LMBR1L: variants seen among roughly 807,000 people sequenced by gnomAD.
The protein encoded by LMBR1L is protein LMBR1L.
In LMBR1L, 47 loss-of-function variants were observed where a neutral mutation model predicts 67.3. That is an observed-to-expected ratio of 0.70 (90% CI 0.55 to 0.89). The LOEUF is 0.89. Ranked by LOEUF, LMBR1L falls within the 40% of genes least tolerant of loss-of-function variation. The probability of loss-of-function intolerance (pLI) is 0.00; values close to 1 mark genes in which losing one functional copy is unlikely to be tolerated. For missense variants in LMBR1L, 533 were observed against 599.2 expected (o/e 0.89, Z 1.15); for synonymous variants, 247 against 250.3 (o/e 0.99, Z 0.13).
chr12:49,097,790 T>C (rs1443421079), intron 16 of LMBR1L, 51 bp from the exon 17 acceptor site: 2 of 1,610,932 alleles, frequency 1.2e-6, no homozygotes, highest in African/African-American at 2.7e-5. Flanking sequence ...TCCAGTCCGT[T>C]AGGGACCAGG....
chr12:49,104,810 A>C lies in LMBR1L; in HGVS notation c.267T>G (p.Asn89Lys). ...TCCGAGGCAGGGAGAGCAGCACCTC[A>C]TTGCTGATGATGGAGAAGGGCAGGA... ...VLLLPFSIIS[N>K]EVLLSLPRNY... The change falls in exon 4 of 17, where the codon AAT becomes AAG. Residue 89 changes from asparagine to lysine, a missense_variant. Asn to Lys is a moderately conservative substitution (Grantham distance 94). Around this residue, in one of 3 missense-constraint regions of LMBR1L, gnomAD observed 246 missense variants for 249.0 expected, o/e 0.99. Coordinates refer to ENST00000267102, the MANE Select transcript of LMBR1L (RefSeq NM_018113.4). 2 of 1,613,758 alleles carry C rather than the reference A, an allele frequency of 1.2e-6. No homozygotes were observed. The highest frequency in any genetic ancestry group is 1.7e-6 in the Non-Finnish European group (2 of 1,179,840).
chr12:49,110,722 C>T lies in LMBR1L; in HGVS notation c.-167G>A. On this transcript the variant is annotated 5_prime_UTR_variant, in exon 1 of 17. Transcript: ENST00000267102. ...GCTCAGATACAGTCGTCCGGACGCC[C>T]CGCCCTTAAAGGGGCAGGCACCACC... The T allele has an allele frequency of 1.6e-6, 1 of 632,098 alleles. No individual in the cohort carries two copies. The highest frequency in any genetic ancestry group is 1.8e-5 in the South Asian group (1 of 54,630). 39.2% of individuals were successfully genotyped at this position (632,098 alleles called of 1,614,324 possible).
chr12:49,107,717 G>C (rs1419551995), intron 1 of LMBR1L, among the ~76,000 whole-genome samples: 1 of 152,350 alleles, frequency 6.6e-6, no homozygotes, highest in South Asian at 2.1e-4. Flanking sequence ...GGACTGCCAA[G>C]TGACAGTGAT....
intron 1 of LMBR1L, 63 bp from the exon 2 acceptor site, chr12:49,107,108 G>A: frequency 9.1e-7 from 1 of 1,097,802 alleles, no homozygotes; most frequent in Non-Finnish European, 1.4e-6. Flanking sequence ...CAGCCCCAAG[G>A]GCCTCTCTGT....
intron 5 of LMBR1L, 99 bp downstream of exon 5, chr12:49,104,339 AAACTTCCGTT>A (rs1940605488): frequency 1.2e-6 from 1 of 844,404 alleles, no homozygotes; most frequent in Non-Finnish European, 1.9e-6. Context: ...CTAGAGCCTC[AAACTTCCGTT>A]AACTAAACCT....
At chr12:49,101,583 C>A (rs1395096346) in intron 11 of LMBR1L, 34 bp from the exon 12 acceptor site, 1 of 1,513,268 alleles carries the variant, frequency 6.6e-7, no homozygotes, top group Non-Finnish European at 9.1e-7. Context: ...CCATTCCACC[C>A]CAGACCACAG....
At chr12:49,098,133 T>G in intron 15 of LMBR1L, 28 bp from the exon 16 acceptor site, 3 of 1,565,590 alleles carry the variant, frequency 1.9e-6, no homozygotes, top group Non-Finnish European at 2.6e-6. Context: ...GGATGAGAGG[T>G]GGGCTCCCCA....
At chr12:49,104,679 G>A in intron 4 of LMBR1L, 67 bp downstream of exon 4, 1 of 1,602,722 alleles carries the variant, frequency 6.2e-7, no homozygotes, top group South Asian at 1.1e-5. Flanking sequence ...GGCTGCCTGA[G>A]TCCACCCAAC....
intron 15 of LMBR1L, 112 bp from the exon 16 acceptor site, chr12:49,098,217 T>C: frequency 8.7e-7 from 1 of 1,150,884 alleles, no homozygotes. Flanking sequence ...ACTGATAGGT[T>C]GGCCTCTCCC....
At chr12:49,100,517 C>G (rs1419795222) in intron 14 of LMBR1L, 39 bp downstream of exon 14, 1 of 1,609,674 alleles carries the variant, frequency 6.2e-7, no homozygotes, top group South Asian at 1.1e-5. Context: ...AGTGCCCATC[C>G]ACACCCCCCG....
chr12:49,110,385 A>C lies in LMBR1L; in HGVS notation c.72+99T>G, dbSNP rs7138506. 1.2e-3 allele frequency: 1,367 copies of C among 1,175,716 alleles called. 3 individuals are homozygous for C. The highest frequency in any genetic ancestry group is 1.4e-3 in the Non-Finnish European group (1,145 of 791,824). 72.8% of individuals were successfully genotyped at this position (1,175,716 alleles called of 1,614,324 possible). On this transcript the variant is annotated intron_variant, in intron 1 of 16. Transcript: ENST00000267102. ...GGCCTCCGTCGCCCGCCGCTGGCCC[A>C]GGCATGGTTTGACGGCACTCTGAGA...
chr12:49,103,154 A>C lies in LMBR1L; in HGVS notation c.568T>G (p.Trp190Gly), dbSNP rs774921080. 6.2e-7 allele frequency: 1 copy of C among 1,613,560 alleles called. No homozygotes were observed. Among genetic ancestry groups the C allele is most frequent in the Non-Finnish European group, 8.5e-7 (1 of 1,179,458 alleles). ...KANRESLYDF[W>G]EYYLPYLYSC... ...TAGAGGTAGGGGAGATAGTACTCCC[A>C]AAAGTCTAAGGATAAAAAAAAGAGG... is the stretch of plus-strand genomic sequence containing the variant. The change falls in exon 7 of 17, where the codon TGG becomes GGG. Residue 190 changes from tryptophan (W) to glycine (G), a missense_variant. By Grantham distance (184) the Trp-to-Gly change is radical (BLOSUM62 -2). Around this residue, in one of 3 missense-constraint regions of LMBR1L, gnomAD observed 246 missense variants for 249.0 expected, o/e 0.99. Transcript: ENST00000267102.
chr12:49,103,212 C>T, intron 6 of LMBR1L, 53 bp from the exon 7 acceptor site: 2 of 1,496,396 alleles, frequency 1.3e-6, no homozygotes, highest in Non-Finnish European at 9.3e-7. Context: ...CTTACTGTCC[C>T]CAGGCTGACA....
Position 49,102,393 on chromosome 12 carries a change from T to C in LMBR1L, c.770-17A>G, listed in dbSNP as rs755567986. ...AAGTAGGATCTGAGGGCAGAGAAGA[T>C]GGTGTTGCTCTCAAGTCCTGCAGTT... On this transcript the variant is annotated splice_polypyrimidine_tract_variant and intron_variant, in intron 9 of 16. Coordinates refer to ENST00000267102, the MANE Select transcript of LMBR1L (RefSeq NM_018113.4). The C allele has an allele frequency of 2.5e-6, 4 of 1,613,766 alleles. No homozygotes were observed. The highest frequency in any genetic ancestry group is 1.6e-4 in the Middle Eastern group (1 of 6,084).
At chr12:49,100,530 A>T (rs1355858896) in intron 14 of LMBR1L, 26 bp downstream of exon 14, 1 of 1,611,992 alleles carries the variant, frequency 6.2e-7, no homozygotes. Flanking sequence ...ACCCCCCGGG[A>T]GCTTCCCTTA....
At chr12:49,108,697 G>A (rs946493003) in intron 1 of LMBR1L, among the ~76,000 whole-genome samples, 2 of 152,056 alleles carry the variant, frequency 1.3e-5, no homozygotes, top group African/African-American at 4.8e-5. Context: ...TAACGCCACT[G>A]CACTCCAGCC....
Position 49,097,664 on chromosome 12 carries a change from G to C in LMBR1L, c.*8C>G. On this transcript the variant is annotated 3_prime_UTR_variant, in exon 17 of 17. Coordinates refer to ENST00000267102, the MANE Select transcript of LMBR1L (RefSeq NM_018113.4). ...TCCAGTTTTTTCCTTCCCACCCCCA[G>C]CTGGAGGTCACTGGTGCTGGGTCTT... 1 of 1,613,082 alleles carries C rather than the reference G, an allele frequency of 6.2e-7. No individual in the cohort carries two copies. Among genetic ancestry groups the C allele is most frequent in the Non-Finnish European group, 8.5e-7 (1 of 1,179,896 alleles).
chr12:49,105,120 C>A, intron 3 of LMBR1L: 1 of 515,376 alleles, frequency 1.9e-6, no homozygotes, highest in Non-Finnish European at 3.5e-6. Flanking sequence ...TTCATGGGAA[C>A]CTGGTCACCT....
intron 12 of LMBR1L, 61 bp from the exon 13 acceptor site, chr12:49,101,384 G>A (rs767039787): frequency 4.4e-6 from 7 of 1,603,812 alleles, no homozygotes; most frequent in Non-Finnish European, 5.1e-6. Context: ...CCGGCACCCA[G>A]CCTTCCCACT....
Sources: gnomAD v4.1 joint callset for allele counts (sites outside exome capture counted in the v4.1 genomes callset) on GRCh38, gnomAD v4.1.1 for gene constraint, gnomAD v4.1.1 regional missense constraint, MANE v1.5 for transcripts, NCBI Gene and HGNC (gene_info 2026-07-23, HGNC 2026-07-21) for gene names.